The following ARHGEF7 variants were observed in gnomAD, a reference collection of about 807,000 sequenced individuals.
ARHGEF7 encodes the protein Rho guanine nucleotide exchange factor 7.
In ARHGEF7, 33 loss-of-function variants were observed where a neutral mutation model predicts 109.8. The ratio of observed to expected loss-of-function variants is 0.30; its 90% CI spans 0.23 to 0.40. ARHGEF7 has a LOEUF of 0.40. Ranked by LOEUF, ARHGEF7 falls within the 10% of genes least tolerant of loss-of-function variation. The probability of loss-of-function intolerance (pLI) is 1.00; values close to 1 mark genes in which losing one functional copy is unlikely to be tolerated. For missense variants in ARHGEF7, 938 were observed against 1,098.5 expected (o/e 0.85, Z 2.07); for synonymous variants, 458 against 424.6 (o/e 1.08, Z -0.97).
At chr13:111,124,633 T>C (rs949070838) in intron 1 of ARHGEF7, among the ~76,000 whole-genome samples, 2 of 152,250 alleles carry the variant, frequency 1.3e-5, no homozygotes, top group Non-Finnish European at 2.9e-5. Context: ...GTCTACCACC[T>C]GGGAGGGTGC....
chr13:111,209,381 A>G (rs2082239922), intron 3 of ARHGEF7: 1 of 152,902 alleles, frequency 6.5e-6, no homozygotes, highest in Non-Finnish European at 1.5e-5. Flanking sequence ...GTGTTGGGGA[A>G]ATAATCCTCA....
rs965146016 is a variant in ARHGEF7 at position 111,177,808 on chromosome 13, G to C, written c.252+23817G>C. 2.6e-5 allele frequency among the ~76,000 whole-genome samples: 4 copies of C among 152,102 alleles called. No individual in the cohort carries two copies. The East Asian group carries it at 7.7e-4, about 29-fold the overall frequency. ...AACATGCTATTGAACAAGGATGTTT[G>C]ATGTTGGCCAGATGGTGGGGAAAAA... is the stretch of plus-strand genomic sequence containing the variant. On this transcript the variant is annotated intron_variant, in intron 2 of 21. Coordinates refer to ENST00000646102, the MANE Select transcript of ARHGEF7 (RefSeq NM_001354046.2).
At chr13:111,174,541 T>G (rs1673012376) in intron 2 of ARHGEF7, among the ~76,000 whole-genome samples, 1 of 152,212 alleles carries the variant, frequency 6.6e-6, no homozygotes, top group Non-Finnish European at 1.5e-5. Context: ...GACTTCCTGG[T>G]CATTACAAGG....
chr13:111,154,043 G>T (rs1371599383), intron 2 of ARHGEF7, 52 bp downstream of exon 2: 3 of 1,531,036 alleles, frequency 2.0e-6, no homozygotes, highest in South Asian at 2.4e-5. Context: ...ACGGGGTTGG[G>T]CCCGGGGTGG....
intron 19 of ARHGEF7, among the ~76,000 whole-genome samples, chr13:111,296,168 G>A (rs1330985522): frequency 4.0e-5 from 6 of 151,014 alleles, no homozygotes; most frequent in African/African-American, 1.2e-4. Context: ...CAGTCATCTC[G>A]TCTATGAAAT....
intron 1 of ARHGEF7, chr13:111,143,897 C>G (rs888407273): frequency 1.3e-5 from 2 of 152,206 alleles, no homozygotes; most frequent in Non-Finnish European, 2.9e-5. Context: ...ACTGGGAGAA[C>G]AAAATACGAC....
intron 2 of ARHGEF7, among the ~76,000 whole-genome samples, chr13:111,163,170 A>C (rs1032880751): frequency 2.0e-5 from 3 of 152,252 alleles, no homozygotes; most frequent in African/African-American, 7.2e-5. Context: ...GAAGTTAAGT[A>C]AAAATATTGT....
chr13:111,129,771 C>A (rs2074644807), intron 1 of ARHGEF7, among the ~76,000 whole-genome samples: 1 of 152,210 alleles, frequency 6.6e-6, no homozygotes, highest in South Asian at 2.1e-4. Context: ...CATGCACTGA[C>A]AGTGGGAAGG....
rs2083308736 is a variant in ARHGEF7 at position 111,217,729 on chromosome 13, C to A, written c.519C>A (p.Asn173Lys). ...AACTGGTAGTAAGAGCAAAGTTTAA[C>A]TTCCAGCAGACCAATGAGGACGAGC... The part of the protein sequence containing the change: ...NNQLVVRAKF[N>K]FQQTNEDELS... The change falls in exon 5 of 22, where the codon AAC becomes AAA. Residue 173 changes from asparagine (N) to lysine (K), a missense_variant. Coordinates refer to ENST00000646102, the MANE Select transcript of ARHGEF7 (RefSeq NM_001354046.2). 1 of 1,614,244 alleles carries A rather than the reference C, an allele frequency of 6.2e-7. No individual in the cohort carries two copies. The highest frequency in any genetic ancestry group is 8.5e-7 in the Non-Finnish European group (1 of 1,180,044).
chr13:111,227,601 A>G (rs1167360485), intron 5 of ARHGEF7, among the ~76,000 whole-genome samples: 1 of 152,242 alleles, frequency 6.6e-6, no homozygotes, highest in African/African-American at 2.4e-5. Context: ...ATGCAGTAGG[A>G]AACAAATTTG....
At chr13:111,226,084 C>T (rs530985153) in intron 5 of ARHGEF7, among the ~76,000 whole-genome samples, 8 of 152,284 alleles carry the variant, frequency 5.3e-5, no homozygotes, top group Non-Finnish European at 1.0e-4. Context: ...AGCAATGAAA[C>T]CACCTTATTG....
intron 2 of ARHGEF7, among the ~76,000 whole-genome samples, chr13:111,192,782 C>A (rs111380607): frequency 6.6e-6 from 1 of 152,194 alleles, no homozygotes; most frequent in South Asian, 2.1e-4. Flanking sequence ...TTTGGAGAAG[C>A]CCAAATCTAG....
chr13:111,293,996 T>G, intron 19 of ARHGEF7: 1 of 985,448 alleles, frequency 1.0e-6, no homozygotes, highest in South Asian at 4.7e-5. Context: ...GGGCAGCTGT[T>G]AATTCCAAAT....
At chr13:111,167,877 C>A (rs1369956963) in intron 2 of ARHGEF7, among the ~76,000 whole-genome samples, 1 of 152,182 alleles carries the variant, frequency 6.6e-6, no homozygotes, top group Non-Finnish European at 1.5e-5. Context: ...GGGCAGCACA[C>A]CAGAGCGTGA....
At chr13:111,271,351 A>T (rs1418080137) in intron 9 of ARHGEF7, among the ~76,000 whole-genome samples, 1 of 152,016 alleles carries the variant, frequency 6.6e-6, no homozygotes, top group Non-Finnish European at 1.5e-5. Flanking sequence ...CTTCCCGGGG[A>T]AGGTGGATGC....
At chr13:111,162,788 AAT>A (rs2153397433) in intron 2 of ARHGEF7, among the ~76,000 whole-genome samples, 1 of 152,366 alleles carries the variant, frequency 6.6e-6, no homozygotes, top group African/African-American at 2.4e-5. Context: ...CACCCACAAG[AAT>A]AGTTAAAAAT....
chr13:111,215,427 AAG>A (rs2083005896), intron 4 of ARHGEF7, among the ~76,000 whole-genome samples: 1 of 151,522 alleles, frequency 6.6e-6, no homozygotes, highest in Non-Finnish European at 1.5e-5. Flanking sequence ...CCCACAGAGA[AAG>A]AGGGGCTGGT....
chr13:111,125,708 A>G (rs950726823), intron 1 of ARHGEF7, among the ~76,000 whole-genome samples: 1 of 152,236 alleles, frequency 6.6e-6, no homozygotes, highest in Non-Finnish European at 1.5e-5. Context: ...CTGTGCCAGA[A>G]TACTTTTTCA....
In ARHGEF7 at chr13:111,115,699, C is replaced by CCGGCCCG; in HGVS notation, c.165+11_165+17dup. On this transcript the variant is annotated intron_variant, in intron 1 of 21. Transcript: ENST00000646102. The stretch of plus-strand genomic sequence containing the variant: ...CCCGGGACCATCGAGAAAGTAAGTC[C>CCGGCCCG]CGGCCCGCGCCCCCGCCCGCGCCCC... 8.5e-6 allele frequency: 10 copies of CCGGCCCG among 1,181,486 alleles called. No homozygotes were observed. The highest frequency in any genetic ancestry group is 1.1e-5 in the Non-Finnish European group (10 of 951,710). The allele number at this position is 1,181,486 out of a possible 1,614,324, so 73.2% of individuals were successfully genotyped here.
Sources: allele counts gnomAD v4.1 joint callset (sites outside exome capture counted in the v4.1 genomes callset), GRCh38; gene constraint gnomAD v4.1.1; transcripts MANE v1.5; gene names NCBI Gene and HGNC (gene_info 2026-07-23, HGNC 2026-07-21).